The following STX18 variants were observed in gnomAD, a reference collection of about 807,000 sequenced individuals.
STX18 encodes syntaxin-18.
A neutral mutation model predicts 50.1 loss-of-function variants in STX18; 40 were observed. The ratio of observed to expected loss-of-function variants is 0.80; its 90% CI spans 0.62 to 1.04. The LOEUF (loss-of-function observed/expected upper bound fraction) is 1.04. STX18 is among the 50% of genes least tolerant of loss of function. The pLI is 0.00. For synonymous variants in STX18, 158 were observed against 151.8 expected (o/e 1.04, Z -0.30); for missense variants, 410 against 415.8 (o/e 0.99, Z 0.12).
intron 1 of STX18, among the ~76,000 whole-genome samples, chr4:4,513,982 T>C (rs1170814109): frequency 6.6e-6 from 1 of 151,956 alleles, no homozygotes; most frequent in Admixed American, 6.6e-5. Context: ...ACGTTAAGAG[T>C]CAATACTGGA....
At chr4:4,491,250 CATATT>C (rs1434312965) in intron 1 of STX18, among the ~76,000 whole-genome samples, 3 of 152,018 alleles carry the variant, frequency 2.0e-5, no homozygotes, top group African/African-American at 7.2e-5. Flanking sequence ...AGCATTCATC[CATATT>C]ATATACAAAA....
chr4:4,529,269 C>T (rs1384947742), intron 1 of STX18, among the ~76,000 whole-genome samples: 2 of 151,994 alleles, frequency 1.3e-5, no homozygotes, highest in African/African-American at 2.4e-5. Context: ...GGCTGAGGCA[C>T]GAGAATGGAG....
At chr4:4,508,496 A>T (rs1360841086) in intron 1 of STX18, among the ~76,000 whole-genome samples, 1 of 152,186 alleles carries the variant, frequency 6.6e-6, no homozygotes, top group South Asian at 2.1e-4. Context: ...AAATGTCAGG[A>T]TTATTTTGAA....
intron 1 of STX18, among the ~76,000 whole-genome samples, chr4:4,516,702 C>A (rs1394137326): frequency 6.6e-6 from 1 of 152,048 alleles, no homozygotes; most frequent in Admixed American, 6.6e-5. Flanking sequence ...ACGTGCTATG[C>A]ATTTTTATTT....
intron 1 of STX18, among the ~76,000 whole-genome samples, chr4:4,487,069 T>C (rs949206487): frequency 4.6e-5 from 7 of 151,572 alleles, no homozygotes; most frequent in African/African-American, 1.7e-4. Context: ...AGGCTTTTGG[T>C]TCATGGAGCT....
At chr4:4,438,605 C>G (rs1725918615) in intron 5 of STX18, 96 bp from the exon 6 acceptor site, 1 of 961,586 alleles carries the variant, frequency 1.0e-6, no homozygotes, top group African/African-American at 1.6e-5. Context: ...CGCTTTTGCT[C>G]TGTGTCCCTG....
rs150663706 is a variant in STX18, at chr4:4,477,430, AC to A, written c.169-5725del. ...GCAATCTTTGCTTAAATTCCATGTA[AC>A]AGGATCAATGCCACCAAAAAACAAC... On this transcript the variant is annotated intron_variant, in intron 1 of 10. Transcript: ENST00000306200. Among the ~76,000 whole-genome samples, 173 of 152,262 alleles carry A rather than the reference AC, an allele frequency of 1.1e-3. 1 individual carries two copies. The highest frequency in any genetic ancestry group is 4.1e-3 in the African/African-American group (172 of 41,534).
At chr4:4,444,522 C>A (rs1239856695) in intron 5 of STX18, among the ~76,000 whole-genome samples, 1 of 152,212 alleles carries the variant, frequency 6.6e-6, no homozygotes, top group African/African-American at 2.4e-5. Context: ...TTGGGAGACA[C>A]ATATTGGAAG....
chr4:4,509,704 G>A (rs906135575), intron 1 of STX18, among the ~76,000 whole-genome samples: 7 of 152,148 alleles, frequency 4.6e-5, no homozygotes, highest in African/African-American at 1.7e-4. Flanking sequence ...CAAAAGTAAT[G>A]CAAAGTAAGG....
At chr4:4,434,964 C>A in intron 6 of STX18, 106 bp from the exon 7 acceptor site, 1 of 734,212 alleles carries the variant, frequency 1.4e-6, no homozygotes, top group Non-Finnish European at 2.2e-6. Flanking sequence ...AATCTTACAG[C>A]TTTGTCTATA....
intron 1 of STX18, among the ~76,000 whole-genome samples, chr4:4,535,991 G>C (rs1403896899): frequency 6.6e-6 from 1 of 152,224 alleles, no homozygotes; most frequent in Non-Finnish European, 1.5e-5. Context: ...AGGACCTGGG[G>C]AATCAATGCT....
chr4:4,541,948 G>C lies in STX18; in HGVS notation c.17C>G (p.Thr6Arg), dbSNP rs777568469. MAVDI[T>R]LLFRASVKTV... is the part of the protein sequence containing the mutation. ...CTTGACGCTGGCCCGGAATAGCAGCGTGATGTCCACCGCCATAGCGACCCG... is the reference window on the plus strand; with the variant it reads ...CTTGACGCTGGCCCGGAATAGCAGCCTGATGTCCACCGCCATAGCGACCCG... The change falls in exon 1 of 11, where the codon ACG becomes AGG. Residue 6 changes from threonine (T) to arginine (R), a missense_variant. Thr to Arg is a moderately conservative substitution (Grantham distance 71). Transcript: ENST00000306200. 1 of 1,605,956 alleles carries C rather than the reference G, an allele frequency of 6.2e-7. No individual in the cohort carries two copies. The highest frequency in any genetic ancestry group is 1.1e-5 in the South Asian group (1 of 90,100).
At chr4:4,502,645 C>G (rs1257529482) in intron 1 of STX18, among the ~76,000 whole-genome samples, 1 of 152,122 alleles carries the variant, frequency 6.6e-6, no homozygotes, top group African/African-American at 2.4e-5. Context: ...AAAAAATACA[C>G]AGCTCTTTGC....
chr4:4,470,754 C>T (rs1727870295), intron 2 of STX18, among the ~76,000 whole-genome samples: 1 of 152,054 alleles, frequency 6.6e-6, no homozygotes, highest in East Asian at 1.9e-4. Flanking sequence ...GGGCCCTGCA[C>T]CAGGAAAGGG....
chr4:4,490,669 T>C (rs1728902426), intron 1 of STX18, among the ~76,000 whole-genome samples: 1 of 152,150 alleles, frequency 6.6e-6, no homozygotes. Context: ...GAGGCTCCTA[T>C]AACAATCACT....
At chr4:4,521,766 C>T (rs1348229907) in intron 1 of STX18, among the ~76,000 whole-genome samples, 1 of 151,956 alleles carries the variant, frequency 6.6e-6, no homozygotes, top group Non-Finnish European at 1.5e-5. Context: ...TGTCAACATC[C>T]TAAGTGAAGT....
intron 9 of STX18, among the ~76,000 whole-genome samples, chr4:4,421,912 C>T (rs1724987806): frequency 6.6e-6 from 1 of 152,088 alleles, no homozygotes; most frequent in African/African-American, 2.4e-5. Flanking sequence ...ACACAGGGGG[C>T]GTCTGGCCCC....
chr4:4,527,819 T>A (rs960429155), intron 1 of STX18, among the ~76,000 whole-genome samples: 1 of 147,352 alleles, frequency 6.8e-6, no homozygotes, highest in African/African-American at 2.5e-5. Context: ...TATATATATA[T>A]AATTTTATAT....
intron 1 of STX18, among the ~76,000 whole-genome samples, chr4:4,528,162 T>C (rs1033317887): frequency 2.6e-5 from 4 of 152,086 alleles, no homozygotes; most frequent in African/African-American, 4.8e-5. Context: ...AACTCCTCTT[T>C]TCCAGCCTTC....
Sources: gnomAD v4.1 joint callset for allele counts (sites outside exome capture counted in the v4.1 genomes callset) on GRCh38, gnomAD v4.1.1 for gene constraint, MANE v1.5 for transcripts, NCBI Gene and HGNC (gene_info 2026-07-23, HGNC 2026-07-21) for gene names.